Variants in ZNF248 observed in about 807,000 individuals in gnomAD.
ZNF248 encodes the protein KRAB protein domain.
Under a neutral mutation model 44.3 loss-of-function variants are expected in ZNF248, and 20 were observed. That is an observed-to-expected ratio of 0.45 (90% CI 0.32 to 0.66). The LOEUF (loss-of-function observed/expected upper bound fraction) is 0.66. ZNF248 is among the 30% of genes least tolerant of loss of function. The pLI is 0.04. For synonymous variants in ZNF248, 224 were observed against 229.0 expected (o/e 0.98, Z 0.20); for missense variants, 654 against 677.0 (o/e 0.97, Z 0.38).
intron 3 of ZNF248, among the ~76,000 whole-genome samples, chr10:37,844,214 G>A (rs1473790332): frequency 2.0e-5 from 3 of 151,588 alleles, no homozygotes; most frequent in Non-Finnish European, 2.9e-5. Context: ...TGTTAAGAGG[G>A]GAAAAAACAA....
In ZNF248 at chr10:37,822,173, C is replaced by T. The variant is rs547241114; in HGVS notation, c.330+10852G>A. On this transcript the variant is annotated intron_variant, in intron 6 of 6. Transcript: ENST00000615949. ...AAGTTGGTGCTGCTCAAATTAATCT[C>T]TCCCTGGAGGCCTTGCCCCTTCACA... Among the ~76,000 whole-genome samples, 4 of 152,312 alleles carry T rather than the reference C, an allele frequency of 2.6e-5. No homozygotes were observed. In the South Asian group the frequency reaches 8.3e-4, roughly 32 times the overall value.
Position 37,831,243 on chromosome 10 carries a change from A to C in ZNF248, c.*372T>G. ...ATTTGCATACTCACATAAGGTCTAC[A>C]AACATCGGGGACTCTTCACATATAT... On this transcript the variant is annotated 3_prime_UTR_variant, in exon 6 of 6. Transcript: ENST00000395867. 1 of 1,548,812 alleles carries C rather than the reference A, an allele frequency of 6.5e-7. No homozygotes were observed. Among genetic ancestry groups the C allele is most frequent in the Non-Finnish European group, 8.7e-7 (1 of 1,145,988 alleles).
intron 6 of ZNF248, among the ~76,000 whole-genome samples, chr10:37,821,330 A>G (rs1467856321): frequency 6.6e-6 from 1 of 152,204 alleles, no homozygotes; most frequent in Non-Finnish European, 1.5e-5. Context: ...AGAGAGGAAG[A>G]AACTGAGGTT....
Position 37,854,823 on chromosome 10 carries a change from G to C in ZNF248, c.15+1473C>G, listed in dbSNP as rs568370250. 2.6e-5 allele frequency among the ~76,000 whole-genome samples: 4 copies of C among 152,336 alleles called. No homozygotes were observed. In the East Asian group the frequency reaches 7.7e-4, roughly 29 times the overall value. Reference sequence around the variant, plus strand: ...TGAATTACTAGGCAATTGTGACAAAGAGAGAAAATGCTATTCATGTTCTGT... The same window carrying C: ...TGAATTACTAGGCAATTGTGACAAACAGAGAAAATGCTATTCATGTTCTGT... On this transcript the variant is annotated intron_variant, in intron 3 of 5. Coordinates refer to ENST00000395867, the MANE Select transcript of ZNF248 (RefSeq NM_021045.3).
At chr10:37,850,569 T>C (rs925361341) in intron 3 of ZNF248, among the ~76,000 whole-genome samples, 2 of 152,194 alleles carry the variant, frequency 1.3e-5, no homozygotes, top group East Asian at 1.9e-4. Context: ...GTCATCAAGA[T>C]AGCGTGGTAT....
chr10:37,772,125 C>T (rs909495772), downstream of ZNF248, among the ~76,000 whole-genome samples: 2 of 152,044 alleles, frequency 1.3e-5, no homozygotes, highest in Non-Finnish European at 2.9e-5. Context: ...ATCAGCCAGG[C>T]GTGGTGGCAT....
At chr10:37,837,868 C>T in intron 4 of ZNF248, 117 bp downstream of exon 4, 2 of 1,436,910 alleles carry the variant, frequency 1.4e-6, no homozygotes, top group Non-Finnish European at 1.9e-6. Flanking sequence ...TTTATGGTGG[C>T]CAAATGGGAT....
the ZNF248 span, among the ~76,000 whole-genome samples, chr10:37,770,735 C>T: frequency 6.6e-6 from 1 of 152,170 alleles, no homozygotes; most frequent in Non-Finnish European, 1.5e-5. Context: ...GTCTAAAACA[C>T]CAAAAGCAAT....
the ZNF248 span, among the ~76,000 whole-genome samples, chr10:37,765,692 G>A: frequency 3.4e-4 from 52 of 152,298 alleles, no homozygotes; most frequent in African/African-American, 1.1e-3. Flanking sequence ...AGCTCCCAGC[G>A]TGAGCAATTT....
downstream of ZNF248, among the ~76,000 whole-genome samples, chr10:37,771,724 T>G (rs1247092192): frequency 2.0e-5 from 3 of 151,976 alleles, no homozygotes; most frequent in African/African-American, 7.3e-5. Context: ...TGTATACATA[T>G]GTAACAAACC....
At chr10:37,764,517 TC>T in the ZNF248 span, among the ~76,000 whole-genome samples, 3 of 152,142 alleles carry the variant, frequency 2.0e-5, no homozygotes, top group African/African-American at 7.2e-5. Context: ...ACTAGAACAC[TC>T]CCTCCCCTTT....
At chr10:37,790,270 C>CA (rs35082361) in intron 6 of ZNF248, among the ~76,000 whole-genome samples, 12,424 of 90,606 alleles carry the variant, frequency 0.14, 826 homozygotes, top group Admixed American at 0.22. Context: ...GACTCTGTGT[C>CA]AAAAAAAAAA....
chr10:37,783,080 T>C (rs1229155182), intron 6 of ZNF248, among the ~76,000 whole-genome samples: 2 of 152,174 alleles, frequency 1.3e-5, no homozygotes, highest in South Asian at 4.1e-4. Flanking sequence ...AGAAACCTTT[T>C]TTGGGTATGG....
intron 6 of ZNF248, among the ~76,000 whole-genome samples, chr10:37,778,657 T>C (rs545648457): frequency 4.2e-4 from 64 of 152,282 alleles, no homozygotes; most frequent in African/African-American, 1.4e-3. Flanking sequence ...GTTTTTATGG[T>C]TTCAGGTCTA....
intron 6 of ZNF248, among the ~76,000 whole-genome samples, chr10:37,821,990 A>G (rs2053543769): frequency 6.6e-6 from 1 of 152,160 alleles, no homozygotes; most frequent in East Asian, 1.9e-4. Context: ...AGCCTCAGCA[A>G]TCAGCTCCCT....
intron 6 of ZNF248, among the ~76,000 whole-genome samples, chr10:37,822,971 T>G (rs2053717115): frequency 6.6e-6 from 1 of 152,074 alleles, no homozygotes; most frequent in African/African-American, 2.4e-5. Context: ...GTTTACATGT[T>G]CTAAAAAACA....
At chr10:37,780,278 A>G (rs200947658) in intron 6 of ZNF248, among the ~76,000 whole-genome samples, 1 of 152,206 alleles carries the variant, frequency 6.6e-6, no homozygotes, top group African/African-American at 2.4e-5. Flanking sequence ...CTACAAGGCT[A>G]CAGTAACCAA....
chr10:37,792,017 A>C (rs1482589001), intron 6 of ZNF248: 1 of 152,266 alleles, frequency 6.6e-6, no homozygotes, highest in Non-Finnish European at 1.5e-5. Context: ...AGCTAATTCT[A>C]GACCACAGTT....
chr10:37,832,333 T>C lies in ZNF248; in HGVS notation c.1022A>G (p.Lys341Arg), dbSNP rs1224944917. 6 of 1,613,968 alleles carry C rather than the reference T, an allele frequency of 3.7e-6. No individual in the cohort carries two copies. Among genetic ancestry groups the C allele is most frequent in the African/African-American group, 1.3e-5 (1 of 74,922 alleles). The change falls in exon 6 of 6, where the codon AAA becomes AGA. Residue 341 changes from lysine to arginine, a missense_variant. Lys to Arg is a conservative substitution (Grantham distance 26, BLOSUM62 2). Coordinates refer to ENST00000395867, the MANE Select transcript of ZNF248 (RefSeq NM_021045.3). Reference protein sequence around the residue: ...DKTWEKSALLKHQIVHMGGKS... With the variant: ...DKTWEKSALLRHQIVHMGGKS... ...TCCCCCCATGTGTACTATTTGATGT[T>C]TTAAGAGAGCTGACTTTTCCCAGGT...
Sources: gnomAD v4.1 joint callset for allele counts (sites outside exome capture counted in the v4.1 genomes callset) on GRCh38, gnomAD v4.1.1 for gene constraint, MANE v1.5 for transcripts, NCBI Gene and HGNC (gene_info 2026-07-23, HGNC 2026-07-21) for gene names.